Variants in KLHL29 observed in about 807,000 individuals in gnomAD.
The protein encoded by KLHL29 is kelch like family member 29, also known as kelch-like protein 29.
Under a neutral mutation model 80.4 loss-of-function variants are expected in KLHL29, and 21 were observed. The observed-to-expected ratio is 0.26, with a 90% CI of 0.19 to 0.38. The LOEUF is 0.38. KLHL29 is among the 10% of genes least tolerant of loss of function. The pLI is 1.00. For missense variants in KLHL29, 867 were observed against 1,223.9 expected, an observed-to-expected ratio of 0.71 and a Z score of 4.35; for synonymous variants, 511 against 526.8, an observed-to-expected ratio of 0.97 and a Z score of 0.41.
intron 3 of KLHL29, among the ~76,000 whole-genome samples, chr2:23,589,397 G>A (rs575053637): frequency 6.6e-5 from 10 of 152,380 alleles, no homozygotes; most frequent in African/African-American, 2.4e-4. Context: ...GGTGTGTCCA[G>A]GTGGAGGCGG....
chr2:23,605,111 T>G lies in KLHL29; in HGVS notation c.286-34028T>G, dbSNP rs1466329585. On this transcript the variant is annotated intron_variant, in intron 3 of 13. Transcript: ENST00000486442. ...CCTGTTCTTTTTCCTTTGTTGCTTT[T>G]TTTTTTTTTTTTTTTTTTGGAGACA... 2.1e-5 allele frequency among the ~76,000 whole-genome samples: 3 copies of G among 141,842 alleles called. No homozygotes were observed. The East Asian group carries it at 6.3e-4, about 30-fold the overall frequency. 93.1% of individuals were successfully genotyped at this position (141,842 alleles called of 152,430 possible). A position where few individuals can be genotyped will look rare whatever the true frequency, so the allele number is the denominator to read the frequency against.
intron 5 of KLHL29, among the ~76,000 whole-genome samples, chr2:23,662,794 C>T (rs1479483243): frequency 6.6e-6 from 1 of 152,194 alleles, no homozygotes; most frequent in Non-Finnish European, 1.5e-5. Context: ...TTTACCTTCC[C>T]AGGGAACCCC....
intron 1 of KLHL29, among the ~76,000 whole-genome samples, chr2:23,411,950 C>T (rs1044645528): frequency 2.6e-5 from 4 of 152,094 alleles, no homozygotes; most frequent in African/African-American, 9.7e-5. Context: ...TTCCTTTGGG[C>T]ATGTCTGACT....
intron 2 of KLHL29, among the ~76,000 whole-genome samples, chr2:23,529,468 C>T (rs1313795742): frequency 6.6e-6 from 1 of 152,178 alleles, no homozygotes. Flanking sequence ...ATGCATGCTG[C>T]AGTATGGGGT....
At chr2:23,571,999 C>G (rs1667727621) in intron 3 of KLHL29, among the ~76,000 whole-genome samples, 1 of 152,220 alleles carries the variant, frequency 6.6e-6, no homozygotes, top group South Asian at 2.1e-4. Flanking sequence ...GTACCCTGTC[C>G]TATTATTCAT....
intron 1 of KLHL29, among the ~76,000 whole-genome samples, chr2:23,386,470 A>C (rs545869535): frequency 6.6e-6 from 1 of 152,290 alleles, no homozygotes; most frequent in African/African-American, 2.4e-5. Flanking sequence ...TGTGGGTGCC[A>C]GCGTGTTGTG....
Position 23,385,487 on chromosome 2 carries a change from G to A in KLHL29, c.-447G>A. ...CCGCCGCCTCGATGAGAGCCGCGCC[G>A]CACCGCTCATAGCCGCACAGGCTGA... On this transcript the variant is annotated 5_prime_UTR_variant, in exon 1 of 14. Coordinates refer to ENST00000486442, the MANE Select transcript of KLHL29 (RefSeq NM_052920.2). 5.8e-6 allele frequency: 1 copy of A among 173,066 alleles called. No individual in the cohort carries two copies. Among genetic ancestry groups the A allele is most frequent in the Non-Finnish European group, 1.4e-5 (1 of 73,914 alleles). The allele number at this position is 173,066 out of a possible 1,614,324, so 10.7% of individuals were successfully genotyped here.
intron 1 of KLHL29, among the ~76,000 whole-genome samples, chr2:23,473,445 C>T (rs1279631869): frequency 5.9e-5 from 9 of 152,110 alleles, no homozygotes; most frequent in Non-Finnish European, 1.2e-4. Context: ...TTCATCAGCA[C>T]ATGAGGAAAA....
rs1257425164 is a variant in KLHL29, at chr2:23,707,434, G to A, written c.*770G>A. 6.6e-6 allele frequency: 1 copy of A among 152,190 alleles called. No individual in the cohort carries two copies. Among genetic ancestry groups the A allele is most frequent in the Admixed American group, 6.5e-5 (1 of 15,286 alleles). 9.4% of individuals were successfully genotyped at this position (152,190 alleles called of 1,614,324 possible). ...TGAGAGGAGGAGCAGGCCACAAGAG[G>A]GATAATGTTGTGGGAATTCCCAAAG... is the stretch of plus-strand genomic sequence containing the variant. On this transcript the variant is annotated 3_prime_UTR_variant, in exon 14 of 14. Transcript: ENST00000486442.
chr2:23,478,893 G>A, intron 2 of KLHL29, among the ~76,000 whole-genome samples: 1 of 152,162 alleles, frequency 6.6e-6, no homozygotes, highest in South Asian at 2.1e-4. Flanking sequence ...CATGGGCCAT[G>A]TCCTGGGCTT....
intron 11 of KLHL29, among the ~76,000 whole-genome samples, chr2:23,698,834 A>G (rs1053899379): frequency 6.6e-6 from 1 of 152,178 alleles, no homozygotes; most frequent in Admixed American, 6.5e-5. Context: ...TGGCTTGGCA[A>G]TCAGCCACCT....
chr2:23,446,395 G>A (rs994473137), intron 1 of KLHL29, among the ~76,000 whole-genome samples: 1 of 152,082 alleles, frequency 6.6e-6, no homozygotes, highest in African/African-American at 2.4e-5. Flanking sequence ...AGTTCATCTT[G>A]ACCCAGGACA....
intron 3 of KLHL29, among the ~76,000 whole-genome samples, chr2:23,626,318 A>G (rs1212692630): frequency 2.6e-5 from 4 of 152,006 alleles, no homozygotes; most frequent in Non-Finnish European, 5.9e-5. Context: ...AGCTTCACTC[A>G]CTCACCCATC....
At chr2:23,643,111 G>T (rs1169508269) in intron 5 of KLHL29, 1 of 617,898 alleles carries the variant, frequency 1.6e-6, no homozygotes, top group Non-Finnish European at 3.0e-6. Flanking sequence ...AGCCTGCAAA[G>T]CCCAGAGCCC....
At chr2:23,555,804 C>A (rs1245253468) in intron 2 of KLHL29, among the ~76,000 whole-genome samples, 1 of 152,216 alleles carries the variant, frequency 6.6e-6, no homozygotes, top group African/African-American at 2.4e-5. Context: ...CACCCCAGCG[C>A]TGGCCTCTGC....
chr2:23,564,547 G>C (rs1015781122), intron 3 of KLHL29, among the ~76,000 whole-genome samples: 1 of 152,212 alleles, frequency 6.6e-6, no homozygotes, highest in African/African-American at 2.4e-5. Context: ...CACTGGGTGG[G>C]GGGAAGGGAG....
At chr2:23,556,004 A>G (rs1426126769) in intron 2 of KLHL29, among the ~76,000 whole-genome samples, 1 of 152,254 alleles carries the variant, frequency 6.6e-6, no homozygotes, top group African/African-American at 2.4e-5. Context: ...GGATTGCAGC[A>G]GGATCAATGA....
intron 5 of KLHL29, among the ~76,000 whole-genome samples, chr2:23,656,759 C>T (rs762601998): frequency 6.6e-6 from 1 of 152,054 alleles, no homozygotes; most frequent in Admixed American, 6.5e-5. Flanking sequence ...AGGATTAGCA[C>T]GGGGTGGGGC....
intron 3 of KLHL29, among the ~76,000 whole-genome samples, chr2:23,612,966 G>T (rs1025773065): frequency 6.6e-6 from 1 of 151,682 alleles, no homozygotes; most frequent in African/African-American, 2.4e-5. Flanking sequence ...TGCAAAAAAG[G>T]CTTAGAAATG....
Sources: allele counts gnomAD v4.1 joint callset (sites outside exome capture counted in the v4.1 genomes callset), GRCh38; gene constraint gnomAD v4.1.1; transcripts MANE v1.5; gene names NCBI Gene and HGNC (gene_info 2026-07-23, HGNC 2026-07-21).